Variants in SHTN1 observed in about 807,000 individuals in gnomAD.
SHTN1 encodes shootin-1.
Under a neutral mutation model 83.1 loss-of-function variants are expected in SHTN1, and 42 were observed. The observed-to-expected ratio is 0.51, with a 90% confidence interval of 0.39 to 0.65. SHTN1 has a LOEUF of 0.65. SHTN1 is among the 30% of genes least tolerant of loss of function. The pLI is 0.00. For synonymous variants in SHTN1, 224 were observed against 247.7 expected (o/e 0.90, Z 0.90); for missense variants, 622 against 737.8 (o/e 0.84, Z 1.82).
In SHTN1 at chr10:116,883,576, T is replaced by C. The variant is rs1399763542; in HGVS notation, c.*2768A>G. 6.6e-6 allele frequency: 1 copy of C among 152,266 alleles called. No homozygotes were observed. The highest frequency in any genetic ancestry group is 1.5e-5 in the Non-Finnish European group (1 of 68,072). The allele number at this position is 152,266 out of a possible 1,614,324, so 9.4% of individuals were successfully genotyped here. A position where few individuals can be genotyped will look rare whatever the true frequency, so the allele number is the denominator to read the frequency against. On this transcript the variant is annotated 3_prime_UTR_variant, in exon 17 of 17. Transcript: ENST00000355371. ...TGCATTTAGAAAAATAATCCAGACT[T>C]GAAGGCTGTGATACAGACTATCATT...
chr10:117,007,324 A>AT (rs541551219), upstream of SHTN1, among the ~76,000 whole-genome samples: 26 of 149,190 alleles, frequency 1.7e-4, no homozygotes, highest in Non-Finnish European at 1.6e-4. Context: ...ACAAAGTTCC[A>AT]TTTTTTTTTA....
At chr10:117,106,327 C>A (rs945350357) in intron 1 of SHTN1, among the ~76,000 whole-genome samples, 1 of 151,810 alleles carries the variant, frequency 6.6e-6, no homozygotes, top group Non-Finnish European at 1.5e-5. Context: ...TGATGGCGGG[C>A]ACCTGTAGTC....
chr10:116,959,618 T>G (rs1463605149), intron 4 of SHTN1, among the ~76,000 whole-genome samples: 1 of 152,210 alleles, frequency 6.6e-6, no homozygotes. Context: ...TGTAGAAAAT[T>G]ACACACTTGG....
At chr10:116,891,636 G>A (rs1446700744) in intron 16 of SHTN1, among the ~76,000 whole-genome samples, 3 of 152,106 alleles carry the variant, frequency 2.0e-5, no homozygotes, top group East Asian at 3.8e-4. Context: ...CCTTTATACA[G>A]TTACTGCAGT....
At chr10:116,898,545 G>T (rs908237035) in intron 16 of SHTN1, among the ~76,000 whole-genome samples, 2 of 152,038 alleles carry the variant, frequency 1.3e-5, no homozygotes, top group African/African-American at 4.8e-5. Flanking sequence ...GCATAATTCT[G>T]ATCTAAATTA....
chr10:117,101,865 A>G (rs574150433), intron 1 of SHTN1, among the ~76,000 whole-genome samples: 1 of 152,314 alleles, frequency 6.6e-6, no homozygotes, highest in East Asian at 1.9e-4. Context: ...GGTTCCTTCC[A>G]ACATGAGATT....
chr10:116,993,142 A>G (rs1222322533), intron 1 of SHTN1, among the ~76,000 whole-genome samples: 1 of 150,122 alleles, frequency 6.7e-6, no homozygotes, highest in Non-Finnish European at 1.5e-5. Context: ...CAGCCTCCCA[A>G]GTAGCTGGGA....
chr10:116,922,232 T>C (rs1456790837), intron 11 of SHTN1, among the ~76,000 whole-genome samples: 1 of 152,142 alleles, frequency 6.6e-6, no homozygotes, highest in Non-Finnish European at 1.5e-5. Context: ...CTTGACTTCA[T>C]TAGCTATTAG....
chr10:117,022,025 G>A (rs769003940), intron 2 of SHTN1, among the ~76,000 whole-genome samples: 1 of 152,090 alleles, frequency 6.6e-6, no homozygotes, highest in Non-Finnish European at 1.5e-5. Context: ...AGCAAAACCA[G>A]ATCTCTCTGA....
At chr10:116,908,983 C>T (rs1215250572) in intron 14 of SHTN1, among the ~76,000 whole-genome samples, 2 of 152,148 alleles carry the variant, frequency 1.3e-5, no homozygotes, top group Non-Finnish European at 2.9e-5. Flanking sequence ...TGACTCTCAA[C>T]TGAAATGATG....
Position 116,889,925 on chromosome 10 carries a change from G to A in SHTN1, c.1674-3359C>T, listed in dbSNP as rs150927476. ...TTGGCTCCCACGGGCAGCTGCCCAAGACTCCTTCTGGAATGAGAGTCCTTT... is the reference window on the plus strand; with the variant it reads ...TTGGCTCCCACGGGCAGCTGCCCAAAACTCCTTCTGGAATGAGAGTCCTTT... On this transcript the variant is annotated intron_variant, in intron 16 of 16. Transcript: ENST00000355371. Among the ~76,000 whole-genome samples the A allele has an allele frequency of 5.3e-3, 804 of 152,248 alleles. 7 individuals carry two copies. The highest frequency in any genetic ancestry group is 0.019 in the African/African-American group (769 of 41,538).
intron 1 of SHTN1, among the ~76,000 whole-genome samples, chr10:117,003,053 C>G (rs1269602467): frequency 1.3e-5 from 2 of 152,040 alleles, no homozygotes; most frequent in Non-Finnish European, 2.9e-5. Flanking sequence ...TGCAGATTAT[C>G]TACATTGTTA....
chr10:117,118,363 C>CAAAAAAAAAAAAAAAA (rs57432703), intron 1 of SHTN1, among the ~76,000 whole-genome samples: 2 of 118,456 alleles, frequency 1.7e-5, no homozygotes, highest in Non-Finnish European at 1.7e-5. Context: ...TAATCCATTT[C>CAAAAAAAAAAAAAAAA]AAAAAAAAAA....
intron 13 of SHTN1, 43 bp downstream of exon 13, chr10:116,915,332 A>G (rs767323592): frequency 9.7e-7 from 1 of 1,035,668 alleles, no homozygotes. Context: ...CATTTAAAAA[A>G]GGAAATATCA....
intron 2 of SHTN1, among the ~76,000 whole-genome samples, chr10:117,043,597 T>C (rs901611017): frequency 1.3e-5 from 2 of 152,046 alleles, no homozygotes; most frequent in African/African-American, 4.8e-5. Flanking sequence ...TCCCAGCACA[T>C]TGGTAGGCTG....
Position 116,954,005 on chromosome 10 carries a change from T to TA in SHTN1, c.436+36dup, listed in dbSNP as rs781386064. 5 of 1,550,602 alleles carry TA rather than the reference T, an allele frequency of 3.2e-6. 1 individual carries two copies. In the South Asian group the frequency reaches 3.6e-5, roughly 11 times the overall value. ...GTTCAGAAGCACTATCATAACGGGGTAAAAAATATGCTCAATAATTAAGCA... is the reference window on the plus strand; with the variant it reads ...GTTCAGAAGCACTATCATAACGGGGTAAAAAAATATGCTCAATAATTAAGCA... On this transcript the variant is annotated intron_variant, in intron 5 of 16. Coordinates refer to ENST00000355371, the MANE Select transcript of SHTN1 (RefSeq NM_001127211.3).
intron 9 of SHTN1, among the ~76,000 whole-genome samples, chr10:116,939,542 GA>G (rs1849289474): frequency 6.6e-6 from 1 of 152,212 alleles, no homozygotes; most frequent in Admixed American, 6.5e-5. Flanking sequence ...ACCCAATGCA[GA>G]AATCACCCGC....
chr10:117,024,920 G>A (rs1299415210), intron 2 of SHTN1, among the ~76,000 whole-genome samples: 4 of 152,106 alleles, frequency 2.6e-5, no homozygotes, highest in African/African-American at 9.7e-5. Context: ...CAACTTTTCT[G>A]TATACTTGAA....
chr10:117,074,024 G>T (rs1047655618), intron 1 of SHTN1, among the ~76,000 whole-genome samples: 1 of 152,188 alleles, frequency 6.6e-6, no homozygotes, highest in South Asian at 2.1e-4. Flanking sequence ...AGGTGTAATG[G>T]AATGGGGAGT....
Sources: allele counts gnomAD v4.1 joint callset (sites outside exome capture counted in the v4.1 genomes callset), GRCh38; gene constraint gnomAD v4.1.1; transcripts MANE v1.5; gene names NCBI Gene and HGNC (gene_info 2026-07-23, HGNC 2026-07-21).